ERGIC2: variants seen among roughly 807,000 people sequenced by gnomAD.
The protein encoded by ERGIC2 is ERGIC and golgi 2.
In ERGIC2, 31 loss-of-function variants were observed where a neutral mutation model predicts 52.5. The ratio of observed to expected loss-of-function variants is 0.59; its 90% CI spans 0.44 to 0.80. The LOEUF is 0.80. Among genes scored for constraint, ERGIC2 ranks in the 30% least tolerant of loss-of-function variants. The pLI is 0.00. For missense variants in ERGIC2, 395 were observed against 455.2 expected (o/e 0.87, Z 1.20); for synonymous variants, 129 against 140.6 (o/e 0.92, Z 0.58).
chr12:29,346,115 TTGG>T (rs568571143), intron 10 of ERGIC2, among the ~76,000 whole-genome samples: 154 of 151,984 alleles, frequency 1.0e-3, no homozygotes, highest in Non-Finnish European at 2.0e-3. Context: ...AAAAAATGAA[TTGG>T]TGACTTAGTT....
intron 5 of ERGIC2, among the ~76,000 whole-genome samples, chr12:29,362,333 T>G (rs1329807860): frequency 6.6e-6 from 1 of 152,114 alleles, no homozygotes; most frequent in Non-Finnish European, 1.5e-5. Context: ...TCTAACACTT[T>G]GGGAGGCCAA....
At chr12:29,353,979 T>G (rs1410681022) in intron 8 of ERGIC2, among the ~76,000 whole-genome samples, 1 of 152,088 alleles carries the variant, frequency 6.6e-6, no homozygotes, top group Non-Finnish European at 1.5e-5. Flanking sequence ...GAAAAGTTGT[T>G]CTGAAAATTG....
At chr12:29,352,647 G>C (rs537651332) in intron 8 of ERGIC2, among the ~76,000 whole-genome samples, 2 of 152,148 alleles carry the variant, frequency 1.3e-5, no homozygotes, top group African/African-American at 2.4e-5. Context: ...ATGAGCAACA[G>C]AGCGAGACTC....
At chr12:29,361,482 A>G (rs1393581071) in intron 6 of ERGIC2, among the ~76,000 whole-genome samples, 163 bp downstream of exon 6, 1 of 152,206 alleles carries the variant, frequency 6.6e-6, no homozygotes, top group Non-Finnish European at 1.5e-5. Context: ...CTTTCTTAAG[A>G]TCTGATGGTT....
intron 6 of ERGIC2, among the ~76,000 whole-genome samples, chr12:29,358,325 T>A (rs1940236722): frequency 6.6e-6 from 1 of 152,186 alleles, no homozygotes; most frequent in Non-Finnish European, 1.5e-5. Flanking sequence ...TAACTAATAT[T>A]CCAAATCATC....
intron 10 of ERGIC2, among the ~76,000 whole-genome samples, chr12:29,348,134 T>G (rs896845831): frequency 6.6e-6 from 1 of 152,154 alleles, no homozygotes; most frequent in Non-Finnish European, 1.5e-5. Flanking sequence ...CATTTCTAAA[T>G]TTAGTACACT....
At chr12:29,345,660 T>C (rs1940037798) in intron 10 of ERGIC2, 120 bp from the exon 11 acceptor site, 4 of 670,820 alleles carry the variant, frequency 6.0e-6, no homozygotes, top group African/African-American at 1.8e-5. Context: ...ACACCTGTAA[T>C]CTCAGCACTT....
At chr12:29,359,377 G>A (rs1036234642) in intron 6 of ERGIC2, among the ~76,000 whole-genome samples, 2 of 151,666 alleles carry the variant, frequency 1.3e-5, no homozygotes, top group Non-Finnish European at 2.9e-5. Context: ...CTATACATAC[G>A]TGTATATGTA....
At chr12:29,378,207 T>C (rs1167213465) in intron 1 of ERGIC2, among the ~76,000 whole-genome samples, 3 of 152,142 alleles carry the variant, frequency 2.0e-5, no homozygotes, top group Non-Finnish European at 4.4e-5. Flanking sequence ...GAAAATGCCA[T>C]GTGAAAACAA....
At chr12:29,359,104 T>C (rs982041536) in intron 6 of ERGIC2, among the ~76,000 whole-genome samples, 5 of 151,990 alleles carry the variant, frequency 3.3e-5, no homozygotes, top group Admixed American at 3.3e-4. Flanking sequence ...TGCACATTAG[T>C]TAGGAAGATA....
At chr12:29,343,923 CCCTAT>C (rs1041781179) in intron 11 of ERGIC2, among the ~76,000 whole-genome samples, 2 of 152,120 alleles carry the variant, frequency 1.3e-5, no homozygotes, top group Non-Finnish European at 2.9e-5. Context: ...CCCTCCCACC[CCCTAT>C]CCTGCATTTT....
At chr12:29,351,528 TC>T (rs1940129850) in intron 8 of ERGIC2, among the ~76,000 whole-genome samples, 1 of 152,192 alleles carries the variant, frequency 6.6e-6, no homozygotes, top group Non-Finnish European at 1.5e-5. Flanking sequence ...TCTAGTAACA[TC>T]TGTCCACTTA....
chr12:29,365,673 TAAA>T (rs58031563), intron 5 of ERGIC2, among the ~76,000 whole-genome samples: 10 of 144,660 alleles, frequency 6.9e-5, no homozygotes, highest in Admixed American at 1.4e-4. Context: ...GGCAGAAAAT[TAAA>T]AAAAAAAAAA....
chr12:29,369,115 C>T (rs1940404086), intron 3 of ERGIC2, among the ~76,000 whole-genome samples: 1 of 151,864 alleles, frequency 6.6e-6, no homozygotes. Context: ...TTAAAGTCAT[C>T]TAGAGTTCAA....
chr12:29,350,380 T>C (rs1182011834), intron 8 of ERGIC2, among the ~76,000 whole-genome samples: 2 of 152,112 alleles, frequency 1.3e-5, no homozygotes, highest in Non-Finnish European at 2.9e-5. Flanking sequence ...TTTTCATTGA[T>C]ATAATAGTAA....
At chr12:29,342,273 CAA>C (rs1949845535) in intron 12 of ERGIC2, among the ~76,000 whole-genome samples, 2 of 152,324 alleles carry the variant, frequency 1.3e-5, no homozygotes, top group South Asian at 4.1e-4. Context: ...CTTGGCCTCC[CAA>C]AGTGTTGGGA....
rs1184673567 is a variant in ERGIC2, at chr12:29,366,902, G to A, written c.308C>T (p.Ser103Phe). ...TGGTTCATAAACTAAACCATCTGCA[G>A]ATGCAACCATTGTTTCTGCTAAATC... Reference protein sequence around the residue: ...VLDLAETMVASADGLVYEPTV... With the variant: ...VLDLAETMVAFADGLVYEPTV... The change falls in exon 5 of 14, where the codon TCT becomes TTT. Residue 103 changes from serine to phenylalanine, a missense_variant. Coordinates refer to ENST00000360150, the MANE Select transcript of ERGIC2 (RefSeq NM_016570.3). The A allele has an allele frequency of 5.6e-6, 9 of 1,603,924 alleles. No homozygotes were observed. The highest frequency in any genetic ancestry group is 7.7e-6 in the Non-Finnish European group (9 of 1,174,514).
chr12:29,366,600 G>A (rs137981985), intron 5 of ERGIC2, among the ~76,000 whole-genome samples: 1 of 151,686 alleles, frequency 6.6e-6, no homozygotes, highest in African/African-American at 2.4e-5. Flanking sequence ...GAAACTACTG[G>A]AAAGTAATAA....
chr12:29,346,769 A>G (rs972971019), intron 10 of ERGIC2, among the ~76,000 whole-genome samples: 2 of 152,182 alleles, frequency 1.3e-5, no homozygotes, highest in South Asian at 2.1e-4. Flanking sequence ...ATACCAGAAT[A>G]TTACCAATTA....
Sources: gnomAD v4.1 joint callset for allele counts (sites outside exome capture counted in the v4.1 genomes callset) on GRCh38, gnomAD v4.1.1 for gene constraint, MANE v1.5 for transcripts, NCBI Gene and HGNC (gene_info 2026-07-23, HGNC 2026-07-21) for gene names.